FBXW11: variants seen among roughly 807,000 people sequenced by gnomAD.
FBXW11 encodes F-box/WD repeat-containing protein 11.
FBXW11 carries 19 observed loss-of-function variants against 77.6 expected under a neutral mutation model. The observed-to-expected ratio is 0.24, with a 90% CI of 0.17 to 0.36. The LOEUF (loss-of-function observed/expected upper bound fraction) is 0.36. Ranked by LOEUF, FBXW11 falls within the 10% of genes least tolerant of loss-of-function variation. The pLI, the probability that FBXW11 is intolerant of heterozygous loss-of-function variation, is 1.00. For missense variants in FBXW11, 334 were observed against 704.2 expected (o/e 0.47, Z 5.95); for synonymous variants, 235 against 249.4 (o/e 0.94, Z 0.54).
intron 7 of FBXW11, among the ~76,000 whole-genome samples, chr5:171,881,225 T>C (rs1403727753): frequency 6.6e-6 from 1 of 152,228 alleles, no homozygotes; most frequent in South Asian, 2.1e-4. Flanking sequence ...CTTAGTGTGT[T>C]ATCTAGGAGT....
intron 1 of FBXW11, among the ~76,000 whole-genome samples, chr5:171,968,266 C>T (rs1365703287): frequency 6.6e-6 from 1 of 151,842 alleles, no homozygotes; most frequent in East Asian, 1.9e-4. Context: ...ACCATCCCGG[C>T]TAACACGGTG....
At chr5:171,926,657 C>T (rs1407838520) in intron 2 of FBXW11, among the ~76,000 whole-genome samples, 5 of 151,886 alleles carry the variant, frequency 3.3e-5, no homozygotes, top group Non-Finnish European at 7.3e-5. Context: ...CAGACGCTGC[C>T]ATGCTTCCTA....
intron 1 of FBXW11, chr5:171,977,864 T>C (rs1764925995): frequency 4.7e-6 from 1 of 212,826 alleles, no homozygotes; most frequent in Non-Finnish European, 9.7e-6. Context: ...CCACAACACA[T>C]GGGAATTCAA....
intron 1 of FBXW11, among the ~76,000 whole-genome samples, chr5:171,959,192 A>G (rs1270307740): frequency 6.6e-6 from 1 of 152,080 alleles, no homozygotes; most frequent in Non-Finnish European, 1.5e-5. Flanking sequence ...AGCAATGAAA[A>G]TGACACACTT....
At chr5:172,005,796 G>A (rs1325207623) in intron 1 of FBXW11, among the ~76,000 whole-genome samples, 1 of 152,088 alleles carries the variant, frequency 6.6e-6, no homozygotes, top group African/African-American at 2.4e-5. Flanking sequence ...AGAGTACCTG[G>A]GCCCTTGCTA....
chr5:171,963,186 T>TAC (rs56222437), intron 1 of FBXW11, among the ~76,000 whole-genome samples: 1,855 of 150,608 alleles, frequency 0.012, 38 homozygotes, highest in African/African-American at 0.042. Context: ...TAAATACACA[T>TAC]ACACACACAC....
intron 2 of FBXW11, among the ~76,000 whole-genome samples, chr5:171,935,147 C>T (rs779834183): frequency 6.6e-6 from 1 of 152,076 alleles, no homozygotes; most frequent in Non-Finnish European, 1.5e-5. Context: ...TTAGTAGAGA[C>T]GGGGTTTCAC....
At chr5:171,953,904 T>C (rs539538705) in intron 2 of FBXW11, among the ~76,000 whole-genome samples, 336 of 152,248 alleles carry the variant, frequency 2.2e-3, no homozygotes, top group Middle Eastern at 0.014. Flanking sequence ...TGTGGCTCAC[T>C]ACACCTATTA....
chr5:171,995,536 A>G (rs1228245458), intron 1 of FBXW11, among the ~76,000 whole-genome samples: 4 of 151,972 alleles, frequency 2.6e-5, no homozygotes, highest in East Asian at 3.9e-4. Context: ...GGCGGATCAC[A>G]AGGTCAGGAG....
Position 171,879,502 on chromosome 5 carries a change from T to A in FBXW11, c.853-1373A>T, listed in dbSNP as rs563572426. 4.6e-5 allele frequency among the ~76,000 whole-genome samples: 7 copies of A among 152,344 alleles called. No homozygotes were observed. In the South Asian group the frequency reaches 1.4e-3, roughly 32 times the overall value. ...GTATATATGGTAAAAGTATGTTTAG[T>A]TTCGTAAGAATGCCAAACTGCCTTC... is the stretch of plus-strand genomic sequence containing the variant. On this transcript the variant is annotated intron_variant, in intron 7 of 13. Coordinates refer to ENST00000517395, the MANE Select transcript of FBXW11 (RefSeq NM_001378974.1).
chr5:171,955,428 T>A (rs1439173318), intron 2 of FBXW11, among the ~76,000 whole-genome samples: 1 of 152,032 alleles, frequency 6.6e-6, no homozygotes, highest in Non-Finnish European at 1.5e-5. Context: ...AAAGGAAGAG[T>A]CATCTTTGCA....
intron 6 of FBXW11, among the ~76,000 whole-genome samples, chr5:171,893,739 A>AG (rs1274967599): frequency 2.0e-5 from 3 of 152,194 alleles, no homozygotes; most frequent in South Asian, 2.1e-4. Flanking sequence ...GGGGGCCCAC[A>AG]GAGTTGCTAC....
At chr5:171,952,896 G>A (rs192187454) in intron 2 of FBXW11, among the ~76,000 whole-genome samples, 14 of 151,190 alleles carry the variant, frequency 9.3e-5, no homozygotes, top group Non-Finnish European at 1.6e-4. Context: ...ATCAGCTATC[G>A]TTAGTGTTAG....
chr5:171,931,854 TCCC>T (rs1762216178), intron 2 of FBXW11, among the ~76,000 whole-genome samples: 2 of 8,376 alleles, frequency 2.4e-4, no homozygotes, highest in Non-Finnish European at 4.3e-4. Flanking sequence ...CCTCCCTCCC[TCCC>T]TCCCTCTCTC....
At position 171,876,628 on chromosome 5, in the gene FBXW11, G is replaced by A; in HGVS notation, c.972-94C>T. ...CTCTGTCTGGGTCTGCAATGGTTTG[G>A]ATATAGTTTGTCTGACTCTACCAAA... is the stretch of plus-strand genomic sequence containing the variant. On this transcript the variant is annotated intron_variant, in intron 8 of 13. Transcript: ENST00000517395. The surrounding 1 kb of genome is among the most constrained non-coding windows in gnomAD (Gnocchi z 4.2). The A allele has an allele frequency of 1.4e-6, 2 of 1,476,582 alleles. No homozygotes were observed. The highest frequency in any genetic ancestry group is 1.8e-6 in the Non-Finnish European group (2 of 1,083,634). 91.5% of individuals were successfully genotyped at this position (1,476,582 alleles called of 1,614,324 possible). A position where few individuals can be genotyped will look rare whatever the true frequency, so the allele number is the denominator to read the frequency against.
At chr5:171,988,836 C>T (rs1184243582) in intron 1 of FBXW11, among the ~76,000 whole-genome samples, 2 of 151,414 alleles carry the variant, frequency 1.3e-5, no homozygotes, top group Non-Finnish European at 2.9e-5. Flanking sequence ...CAGAGCGAGA[C>T]TCCACCTCAA....
intron 4 of FBXW11, among the ~76,000 whole-genome samples, chr5:171,905,600 T>A (rs1030671): frequency 1.6e-5 from 1 of 62,326 alleles, no homozygotes; most frequent in Non-Finnish European, 3.4e-5. Context: ...CCCCCCCCCC[T>A]TTATTTTCTT....
chr5:171,939,963 T>C (rs4628006), intron 2 of FBXW11, among the ~76,000 whole-genome samples: 3 of 152,174 alleles, frequency 2.0e-5, no homozygotes, highest in Admixed American at 1.3e-4. Context: ...CTCTATAGAC[T>C]ACTTATAATT....
intron 1 of FBXW11, among the ~76,000 whole-genome samples, chr5:171,983,705 G>A (rs568408098): frequency 3.3e-5 from 5 of 152,266 alleles, no homozygotes; most frequent in African/African-American, 4.8e-5. Context: ...TGGTTTGAGA[G>A]CAGAGGAAAA....
Sources: gnomAD v4.1 joint callset for allele counts (sites outside exome capture counted in the v4.1 genomes callset) on GRCh38, gnomAD v4.1.1 for gene constraint, Gnocchi (gnomAD v3.1) non-coding constraint, MANE v1.5 for transcripts, NCBI Gene and HGNC (gene_info 2026-07-23, HGNC 2026-07-21) for gene names.